The following UGGT2 variants were observed in gnomAD, a reference collection of about 807,000 sequenced individuals.
UGGT2 encodes UDP-glucose glycoprotein glucosyltransferase 2.
Under a neutral mutation model 192.1 loss-of-function variants are expected in UGGT2, and 180 were observed. The ratio of observed to expected loss-of-function variants is 0.94; its 90% CI spans 0.83 to 1.06. The LOEUF is 1.06. UGGT2 is among the 50% of genes least tolerant of loss of function. The pLI is 0.00. For missense variants in UGGT2, 1,849 were observed against 1,795.7 expected (o/e 1.03, Z -0.54); for synonymous variants, 580 against 591.0 (o/e 0.98, Z 0.27).
In UGGT2 at chr13:95,801,815, A is replaced by C; in HGVS notation, c.4529-3T>G. The C allele has an allele frequency of 6.2e-7, 1 of 1,613,850 alleles. No individual in the cohort carries two copies. Among genetic ancestry groups the C allele is most frequent in the Non-Finnish European group, 8.5e-7 (1 of 1,179,814 alleles). ...CTAGAGTTCATCATGTGTCAAAACT[A>C]TAAGGGAGAAAAGTTTATTTAGCTT... On this transcript the variant is annotated splice_polypyrimidine_tract_variant and splice_region_variant and intron_variant, in intron 38 of 38. Transcript: ENST00000376747.
chr13:95,989,262 TATAAA>T (rs961902508), intron 8 of UGGT2, among the ~76,000 whole-genome samples: 3 of 152,160 alleles, frequency 2.0e-5, no homozygotes, highest in East Asian at 1.9e-4. Context: ...CACTAATGTC[TATAAA>T]ATAATCTATA....
chr13:95,812,790 A>ATGTGATATGCCTGCTCCCACTTCACCT (rs1447042906), intron 38 of UGGT2, among the ~76,000 whole-genome samples: 1 of 152,074 alleles, frequency 6.6e-6, no homozygotes, highest in Non-Finnish European at 1.5e-5. Context: ...TGCTTTCACC[A>ATGTGATATGCCTGCTCCCACTTCACCT]TGTGATATGC....
In UGGT2 at chr13:95,877,783, G is replaced by A. The variant is rs1395708283; in HGVS notation, c.3302C>T (p.Thr1101Ile). ...CTGCAGACCCCGAGGAGGCTGTTCTGTCACTTTATCAAAGCATTGTCCTTC... is the reference window on the plus strand; with the variant it reads ...CTGCAGACCCCGAGGAGGCTGTTCTATCACTTTATCAAAGCATTGTCCTTC... ...LLEGQCFDKVTEQPPRGLQFT... is the reference protein window; with the variant it reads ...LLEGQCFDKVIEQPPRGLQFT... Residue 1101 changes from threonine to isoleucine, a missense_variant, in exon 28 of 39, where the codon ACA becomes ATA. Thr to Ile is a moderately conservative substitution (Grantham distance 89). Coordinates refer to ENST00000376747, the MANE Select transcript of UGGT2 (RefSeq NM_020121.4). 6.2e-7 allele frequency: 1 copy of A among 1,613,866 alleles called. No individual in the cohort carries two copies. Among genetic ancestry groups the A allele is most frequent in the Non-Finnish European group, 8.5e-7 (1 of 1,179,966 alleles).
chr13:95,822,005 A>G (rs1228548932), intron 38 of UGGT2, among the ~76,000 whole-genome samples: 3 of 152,092 alleles, frequency 2.0e-5, no homozygotes, highest in Non-Finnish European at 4.4e-5. Context: ...TGATGCTTCC[A>G]GATTTGTTCT....
At chr13:95,927,444 TAGAATTATTACAATACATTTTC>T in intron 17 of UGGT2, 108 bp from the exon 18 acceptor site, 49 of 940,208 alleles carry the variant, frequency 5.2e-5, no homozygotes, top group Non-Finnish European at 6.8e-5. Context: ...ATAAGCAATT[TAGAATTATTACAATACATTTTC>T]TTTCTTTTTT....
At chr13:95,875,324 T>C (rs1891581174) in intron 29 of UGGT2, among the ~76,000 whole-genome samples, 1 of 152,228 alleles carries the variant, frequency 6.6e-6, no homozygotes, top group South Asian at 2.1e-4. Context: ...TTATATATTC[T>C]GTATATAAAT....
chr13:95,988,007 T>C (rs944153994), intron 8 of UGGT2, among the ~76,000 whole-genome samples: 3 of 152,054 alleles, frequency 2.0e-5, no homozygotes, highest in South Asian at 2.1e-4. Flanking sequence ...ACTACCCAGA[T>C]CCCTTCCTTG....
intron 4 of UGGT2, among the ~76,000 whole-genome samples, chr13:96,022,520 TA>T (rs928742383): frequency 6.4e-4 from 97 of 151,716 alleles, no homozygotes; most frequent in African/African-American, 2.0e-3. Flanking sequence ...CTTTCAAAAT[TA>T]AAAAAACTAC....
Position 95,856,305 on chromosome 13 carries a change from GA to G in UGGT2, c.3860del (p.Phe1287SerfsTer5), listed in dbSNP as rs1441905816. ...ACCTATATTGAACTAGTTCATATCG[GA>G]ATCCATACTCTTTAGCCATGTGAGG... ...VIPHMAKEYG[F>X]RYELVQYRWP... On this transcript the variant is annotated frameshift_variant, in exon 34 of 39. Transcript: ENST00000376747. LOFTEE classifies it high-confidence loss of function. The G allele has an allele frequency of 6.2e-7, 1 of 1,611,556 alleles. No individual in the cohort carries two copies. Among genetic ancestry groups the G allele is most frequent in the Non-Finnish European group, 8.5e-7 (1 of 1,179,336 alleles).
intron 30 of UGGT2, among the ~76,000 whole-genome samples, chr13:95,866,764 T>C (rs918754550): frequency 1.3e-5 from 2 of 152,158 alleles, no homozygotes; most frequent in African/African-American, 4.8e-5. Context: ...CCCAGGACAA[T>C]AGTAGCTTCC....
chr13:95,868,045 A>G (rs1890837606), intron 29 of UGGT2, among the ~76,000 whole-genome samples: 1 of 152,182 alleles, frequency 6.6e-6, no homozygotes, highest in Admixed American at 6.5e-5. Flanking sequence ...TATTCTCACT[A>G]TGGACTAAAA....
chr13:95,810,451 T>G (rs1381779288), intron 38 of UGGT2, among the ~76,000 whole-genome samples: 1 of 152,222 alleles, frequency 6.6e-6, no homozygotes, highest in Non-Finnish European at 1.5e-5. Flanking sequence ...GTGCATACAT[T>G]TATCAATTTT....
chr13:95,856,278 C>A lies in UGGT2; in HGVS notation c.3888G>T (p.Trp1296Cys), dbSNP rs1378898019. ...GFRYELVQYR[W>C]PRWLRQQTER... ...CAGTCTGTTGACGAAGCCAACGGGG[C>A]CACCTATATTGAACTAGTTCATATC... The change falls in exon 34 of 39, where the codon TGG becomes TGT. Residue 1296 changes from tryptophan (W) to cysteine (C), a missense_variant. By Grantham distance (215) the Trp-to-Cys change is radical (BLOSUM62 -2). Transcript: ENST00000376747. 1.2e-6 allele frequency: 2 copies of A among 1,613,468 alleles called. No individual in the cohort carries two copies. Among genetic ancestry groups the A allele is most frequent in the Non-Finnish European group, 1.7e-6 (2 of 1,179,792 alleles).
intron 12 of UGGT2, among the ~76,000 whole-genome samples, chr13:95,957,547 T>C (rs2050247835): frequency 6.6e-6 from 1 of 152,198 alleles, no homozygotes; most frequent in African/African-American, 2.4e-5. Flanking sequence ...GACTGATATC[T>C]GAAAGCTTGC....
chr13:95,948,355 GC>G (rs960548640), intron 13 of UGGT2, among the ~76,000 whole-genome samples: 26 of 151,818 alleles, frequency 1.7e-4, no homozygotes, highest in African/African-American at 6.3e-4. Context: ...CTTTTTGGAA[GC>G]CCAGTATATT....
At position 95,854,390 on chromosome 13, in the gene UGGT2, C is replaced by T. The variant is rs1238396278; in HGVS notation, c.4094G>A (p.Arg1365Lys). ...YGYTPFCDSR[R>K]EMDGYRFWKT... ...CCAGAAACGATATCCATCCATTTCCCTGCGGCTATCACAAAATGGAGTATA... is the reference window on the plus strand; with the variant it reads ...CCAGAAACGATATCCATCCATTTCCTTGCGGCTATCACAAAATGGAGTATA... The change falls in exon 35 of 39, where the codon AGG becomes AAG. Residue 1365 changes from arginine to lysine, a missense_variant. By Grantham distance (26) the Arg-to-Lys change is conservative (BLOSUM62 2). Coordinates refer to ENST00000376747, the MANE Select transcript of UGGT2 (RefSeq NM_020121.4). The T allele has an allele frequency of 6.2e-7, 1 of 1,613,720 alleles. No individual in the cohort carries two copies. The highest frequency in any genetic ancestry group is 1.7e-5 in the Admixed American group (1 of 59,940).
chr13:95,985,187 A>G, intron 9 of UGGT2: 1 of 846,944 alleles, frequency 1.2e-6, no homozygotes, highest in South Asian at 1.7e-5. Context: ...AATTTTTATA[A>G]CGGCCATTAA....
chr13:95,816,866 C>G (rs956822677), intron 38 of UGGT2, among the ~76,000 whole-genome samples: 4 of 152,158 alleles, frequency 2.6e-5, no homozygotes, highest in African/African-American at 9.7e-5. Flanking sequence ...GTGGCTCATG[C>G]CTGTAATCCC....
At chr13:95,972,206 C>A (rs919256790) in intron 11 of UGGT2, among the ~76,000 whole-genome samples, 2 of 150,672 alleles carry the variant, frequency 1.3e-5, no homozygotes, top group African/African-American at 4.9e-5. Flanking sequence ...TTAAATTCCT[C>A]TTGTCAATTT....
Sources: gnomAD v4.1 joint callset for allele counts (sites outside exome capture counted in the v4.1 genomes callset) on GRCh38, gnomAD v4.1.1 for gene constraint, MANE v1.5 for transcripts, NCBI Gene and HGNC (gene_info 2026-07-23, HGNC 2026-07-21) for gene names.